The following SEMA6A variants were observed in gnomAD, a reference collection of about 807,000 sequenced individuals.
SEMA6A encodes semaphorin 6A.
SEMA6A carries 25 observed loss-of-function variants against 96.8 expected under a neutral mutation model. The ratio of observed to expected loss-of-function variants is 0.26; its 90% CI spans 0.19 to 0.36. SEMA6A has a LOEUF of 0.36. Among genes scored for constraint, SEMA6A ranks in the 10% least tolerant of loss-of-function variants. The pLI is 1.00. For missense variants in SEMA6A, 1,363 were observed against 1,323.1 expected (o/e 1.03, Z -0.47); for synonymous variants, 612 against 518.0 (o/e 1.18, Z -2.46).
intron 1 of SEMA6A, among the ~76,000 whole-genome samples, chr5:116,541,630 C>T (rs1013092313): frequency 5.3e-5 from 8 of 152,078 alleles, no homozygotes; most frequent in African/African-American, 7.2e-5. Flanking sequence ...GTCAGGAGAT[C>T]GAGACCAGCC....
chr5:116,465,089 C>G (rs1580387281), intron 18 of SEMA6A, among the ~76,000 whole-genome samples: 1 of 152,220 alleles, frequency 6.6e-6, no homozygotes, highest in Non-Finnish European at 1.5e-5. Flanking sequence ...GCACCCGTCA[C>G]AGGCCCTTAG....
At position 116,446,429 on chromosome 5, in the gene SEMA6A, A is replaced by G. The variant is rs1580429243; in HGVS notation, c.*184T>C. On this transcript the variant is annotated 3_prime_UTR_variant, in exon 19 of 19. Transcript: ENST00000343348. ...TGAGTCCCCGCCGTTGCAAACCTTCACCAAACCACGCGGCCCAGTTTTCGT... is the reference window on the plus strand; with the variant it reads ...TGAGTCCCCGCCGTTGCAAACCTTCGCCAAACCACGCGGCCCAGTTTTCGT... 8.3e-5 allele frequency: 42 copies of G among 507,536 alleles called. No individual in the cohort carries two copies. In the East Asian group the frequency reaches 1.3e-3, roughly 16 times the overall value. The allele number at this position is 507,536 out of a possible 1,614,324, so 31.4% of individuals were successfully genotyped here.
intron 10 of SEMA6A, among the ~76,000 whole-genome samples, chr5:116,485,983 T>C (rs1034390770): frequency 2.6e-5 from 4 of 152,206 alleles, no homozygotes; most frequent in Non-Finnish European, 2.9e-5. Context: ...GTGCATCATT[T>C]AGTTGCTCAA....
chr5:116,516,986 G>A (rs1056434357), intron 1 of SEMA6A, among the ~76,000 whole-genome samples: 10 of 152,026 alleles, frequency 6.6e-5, no homozygotes, highest in African/African-American at 7.3e-5. Context: ...AGAAAAATAC[G>A]ATTTGCTATC....
Position 116,443,847 on chromosome 5 carries a change from A to T in SEMA6A, c.*2766T>A, listed in dbSNP as rs1265412182. 2.0e-5 allele frequency: 3 copies of T among 152,562 alleles called. No homozygotes were observed. Among genetic ancestry groups the T allele is most frequent in the Non-Finnish European group, 2.9e-5 (2 of 68,046 alleles). 9.5% of individuals were successfully genotyped at this position (152,562 alleles called of 1,614,324 possible). A position where few individuals can be genotyped will look rare whatever the true frequency, so the allele number is the denominator to read the frequency against. ...TCCCCCCACACACAGTGGGGAAAAA[A>T]ACTGGGGAGAAATACTTAAATGCAG... is the stretch of plus-strand genomic sequence containing the variant. On this transcript the variant is annotated 3_prime_UTR_variant, in exon 19 of 19. Transcript: ENST00000343348.
chr5:116,566,033 G>A (rs1761013145), intron 1 of SEMA6A, among the ~76,000 whole-genome samples: 1 of 152,024 alleles, frequency 6.6e-6, no homozygotes, highest in Admixed American at 6.5e-5. Context: ...ATCTATCACA[G>A]CTTGTCTGTA....
intron 1 of SEMA6A, among the ~76,000 whole-genome samples, chr5:116,507,580 T>G (rs1035276098): frequency 6.6e-6 from 1 of 152,212 alleles, no homozygotes; most frequent in Non-Finnish European, 1.5e-5. Context: ...TTTAAGTCAC[T>G]TTCAAAACTT....
Position 116,504,832 on chromosome 5 carries a change from C to G in SEMA6A, c.100+13G>C. The G allele has an allele frequency of 2.5e-6, 4 of 1,574,528 alleles. No individual in the cohort carries two copies. Among genetic ancestry groups the G allele is most frequent in the Non-Finnish European group, 3.5e-6 (4 of 1,155,044 alleles). ...CTCAAAGGGAGACACTGAGTGAGAC[C>G]ATGGGTACTTACAGTTGCCATGCGA... On this transcript the variant is annotated intron_variant, in intron 2 of 18. Coordinates refer to ENST00000343348, the MANE Select transcript of SEMA6A (RefSeq NM_020796.5).
chr5:116,459,893 A>G (rs1392729710), intron 18 of SEMA6A, among the ~76,000 whole-genome samples: 2 of 152,198 alleles, frequency 1.3e-5, no homozygotes, highest in East Asian at 3.8e-4. Flanking sequence ...AGGTTTACAT[A>G]TAGCACATGT....
In SEMA6A at chr5:116,536,615, A is replaced by G. The variant is rs542409247; in HGVS notation, c.-38-31633T>C. 8.9e-4 allele frequency among the ~76,000 whole-genome samples: 135 copies of G among 152,248 alleles called. 1 individual carries two copies. The highest frequency in any genetic ancestry group is 4.1e-4 in the South Asian group (2 of 4,826). ...AACTAATGCTGGCAGGCAAACAACA[A>G]AAAACAACAACTGCCACAAACTGCA... On this transcript the variant is annotated intron_variant, in intron 1 of 18. Transcript: ENST00000343348.
At chr5:116,560,861 G>T (rs938550114) in intron 1 of SEMA6A, among the ~76,000 whole-genome samples, 1 of 152,110 alleles carries the variant, frequency 6.6e-6, no homozygotes, top group African/African-American at 2.4e-5. Context: ...TAGGAATTTA[G>T]GTCCCAGTTG....
chr5:116,473,041 G>C (rs1220237269), intron 17 of SEMA6A, 32 bp downstream of exon 17: 1 of 1,580,220 alleles, frequency 6.3e-7, no homozygotes, highest in Non-Finnish European at 8.6e-7. Flanking sequence ...GTTTCCACCA[G>C]TATGGAATTA....
intron 1 of SEMA6A, among the ~76,000 whole-genome samples, chr5:116,533,044 A>T (rs541725525): frequency 1.2e-4 from 18 of 152,330 alleles, no homozygotes; most frequent in African/African-American, 3.8e-4. Flanking sequence ...AGAAATTCTT[A>T]CAGGACTGTT....
In SEMA6A at chr5:116,504,971, CT is replaced by C. The variant is rs1205255443; in HGVS notation, c.-28del. The C allele has an allele frequency of 1.3e-6, 2 of 1,489,252 alleles. No individual in the cohort carries two copies. The highest frequency in any genetic ancestry group is 4.8e-5 in the East Asian group (2 of 41,602). 92.3% of individuals were successfully genotyped at this position (1,489,252 alleles called of 1,614,324 possible). ...GTAGTTCAGCGGGGAGACTTTATTT[CT>C]CTACTTCACCCTGCCAAAAAGTAAA... On this transcript the variant is annotated 5_prime_UTR_variant, in exon 2 of 19. Coordinates refer to ENST00000343348, the MANE Select transcript of SEMA6A (RefSeq NM_020796.5).
At chr5:116,525,289 T>G (rs1394669669) in intron 1 of SEMA6A, among the ~76,000 whole-genome samples, 1 of 152,156 alleles carries the variant, frequency 6.6e-6, no homozygotes, top group South Asian at 2.1e-4. Context: ...TTATTTAATC[T>G]GTGTAAGGCT....
At chr5:116,499,925 C>A (rs1462557781) in intron 3 of SEMA6A, among the ~76,000 whole-genome samples, 1 of 152,170 alleles carries the variant, frequency 6.6e-6, no homozygotes, top group African/African-American at 2.4e-5. Flanking sequence ...AGTACAAGGG[C>A]AGTCTGTTAT....
At chr5:116,556,100 A>G (rs1760595593) in intron 1 of SEMA6A, among the ~76,000 whole-genome samples, 1 of 151,658 alleles carries the variant, frequency 6.6e-6, no homozygotes, top group African/African-American at 2.4e-5. Flanking sequence ...CACTGGACCC[A>G]ACAAAGGCAA....
Position 116,482,552 on chromosome 5 carries a change from G to C in SEMA6A, c.986C>G (p.Ala329Gly). 2.5e-6 allele frequency: 4 copies of C among 1,613,572 alleles called. No individual in the cohort carries two copies. Among genetic ancestry groups the C allele is most frequent in the Non-Finnish European group, 3.4e-6 (4 of 1,179,656 alleles). The change falls in exon 11 of 19, where the codon GCC (alanine) becomes GGC (glycine). Residue 329 changes from alanine (A) to glycine (G), a missense_variant. Coordinates refer to ENST00000343348, the MANE Select transcript of SEMA6A (RefSeq NM_020796.5). ...ACTGGCAATGTCAAGCATGTCATAGGCACAGACTGCAGACCCAGGGATGCT... is the reference window on the plus strand; with the variant it reads ...ACTGGCAATGTCAAGCATGTCATAGCCACAGACTGCAGACCCAGGGATGCT... ...YNSIPGSAVC[A>G]YDMLDIASVF...
At chr5:116,569,400 T>A (rs559075958) in intron 1 of SEMA6A, among the ~76,000 whole-genome samples, 1 of 151,812 alleles carries the variant, frequency 6.6e-6, no homozygotes, top group Non-Finnish European at 1.5e-5. Flanking sequence ...GTCAGAGAGG[T>A]TGGAACCTGA....
Sources: allele counts gnomAD v4.1 joint callset (sites outside exome capture counted in the v4.1 genomes callset), GRCh38; gene constraint gnomAD v4.1.1; transcripts MANE v1.5; gene names NCBI Gene and HGNC (gene_info 2026-07-23, HGNC 2026-07-21).